Variants in DIAPH2 observed in about 807,000 individuals in gnomAD.
The protein encoded by DIAPH2 is protein diaphanous homolog 2.
Under a neutral mutation model 92.7 loss-of-function variants are expected in DIAPH2, and 35 were observed. The ratio of observed to expected loss-of-function variants is 0.38; its 90% CI spans 0.29 to 0.50. The LOEUF is 0.50. Ranked by LOEUF, DIAPH2 falls within the 20% of genes least tolerant of loss-of-function variation. The pLI is 0.94. For synonymous variants in DIAPH2, 301 were observed against 280.4 expected, an observed-to-expected ratio of 1.07 and a Z score of -0.73; for missense variants, 701 against 819.5, an observed-to-expected ratio of 0.86 and a Z score of 1.77.
chrX:96,881,829 T>C, intron 5 of DIAPH2, 111 bp downstream of exon 5: 2 of 837,384 alleles, frequency 2.4e-6, no homozygotes, highest in Non-Finnish European at 3.3e-6. Flanking sequence ...TGACTAAAAA[T>C]CTGATGTTAA....
chrX:96,972,507 A>G (rs779753576), intron 17 of DIAPH2, among the ~76,000 whole-genome samples: 1 of 111,605 alleles, frequency 9.0e-6, no homozygotes, highest in East Asian at 2.8e-4. Context: ...TAGAGTATCT[A>G]TTATGTGTGA....
At chrX:97,572,836 T>C (rs187267533) in intron 26 of DIAPH2, among the ~76,000 whole-genome samples, 14 of 111,564 alleles carry the variant, frequency 1.3e-4, no homozygotes, top group Admixed American at 5.7e-4. Context: ...ATTATTTCTG[T>C]TTTGAGTGTT....
chrX:97,004,102 G>A (rs1026445461), intron 17 of DIAPH2, among the ~76,000 whole-genome samples: 1 of 111,636 alleles, frequency 9.0e-6, no homozygotes, highest in African/African-American at 3.3e-5. Flanking sequence ...CACTGTAGAT[G>A]CATGGATTTC....
chrX:97,145,313 A>AGTAGTAGTAGTAGTAGTAGTG (rs1401763577), intron 22 of DIAPH2, among the ~76,000 whole-genome samples: 3 of 106,794 alleles, frequency 2.8e-5, no homozygotes, highest in African/African-American at 1.0e-4. Context: ...TAGTAGTAGT[A>AGTAGTAGTAGTAGTAGTAGTG]GTAGTAGTAG....
intron 25 of DIAPH2, among the ~76,000 whole-genome samples, chrX:97,407,987 T>C (rs1292311792): frequency 8.9e-6 from 1 of 111,922 alleles, no homozygotes; most frequent in Non-Finnish European, 1.9e-5. Flanking sequence ...ATAATTTTTA[T>C]TCATGACTTT....
chrX:97,304,537 C>T (rs1287312099), intron 23 of DIAPH2, among the ~76,000 whole-genome samples: 1 of 111,891 alleles, frequency 8.9e-6, no homozygotes, highest in Admixed American at 9.5e-5. Context: ...GAAACAGTTG[C>T]CCTAGTTATT....
At chrX:97,088,739 A>C (rs1353922858) in intron 19 of DIAPH2, among the ~76,000 whole-genome samples, 6 of 112,332 alleles carry the variant, frequency 5.3e-5, no homozygotes, top group African/African-American at 1.6e-4. Context: ...AAAGGTCTTC[A>C]TGAAAGTAAA....
chrX:97,531,371 T>C (rs879049603), intron 26 of DIAPH2, among the ~76,000 whole-genome samples: 1 of 111,512 alleles, frequency 9.0e-6, no homozygotes, highest in Non-Finnish European at 1.9e-5. Flanking sequence ...CATTTGTAGA[T>C]TGAGGAGAGA....
At chrX:97,237,583 A>T (rs1479883069) in intron 22 of DIAPH2, among the ~76,000 whole-genome samples, 1 of 104,001 alleles carries the variant, frequency 9.6e-6, no homozygotes, top group Non-Finnish European at 2.0e-5. Flanking sequence ...TCTTTTTTCT[A>T]TTTTTTTTTT....
At chrX:96,974,078 A>C (rs191029572) in intron 17 of DIAPH2, among the ~76,000 whole-genome samples, 1 of 111,545 alleles carries the variant, frequency 9.0e-6, no homozygotes, top group Admixed American at 9.5e-5. Context: ...CTCTTTCTTT[A>C]GGTTTCCATT....
intron 22 of DIAPH2, among the ~76,000 whole-genome samples, chrX:97,198,307 T>C (rs868006041): frequency 6.9e-4 from 63 of 91,489 alleles, no homozygotes; most frequent in African/African-American, 4.0e-3. Flanking sequence ...CACACACATA[T>C]GTGTATATAC....
intron 1 of DIAPH2, among the ~76,000 whole-genome samples, chrX:96,732,704 T>G (rs1216604925): frequency 1.8e-5 from 2 of 112,161 alleles, no homozygotes; most frequent in African/African-American, 6.5e-5. Flanking sequence ...AGAAAATTCT[T>G]TAAGAATAAA....
chrX:96,711,123 GT>G, intron 1 of DIAPH2, among the ~76,000 whole-genome samples: 1 of 111,996 alleles, frequency 8.9e-6, no homozygotes, highest in East Asian at 2.8e-4. Flanking sequence ...TATTTTTGCA[GT>G]TGCTAATTGT....
intron 17 of DIAPH2, among the ~76,000 whole-genome samples, chrX:96,995,425 C>T (rs1227756358): frequency 9.0e-6 from 1 of 111,724 alleles, no homozygotes; most frequent in East Asian, 2.8e-4. Flanking sequence ...TGGAGATGTT[C>T]AGCAACTAGC....
chrX:97,301,028 G>A (rs1473201475), intron 23 of DIAPH2, among the ~76,000 whole-genome samples: 1 of 97,283 alleles, frequency 1.0e-5, no homozygotes, highest in Non-Finnish European at 2.0e-5. Flanking sequence ...AATTGGCCGG[G>A]CGCAGTGGCT....
chrX:97,101,669 G>A (rs1013213458), intron 20 of DIAPH2, among the ~76,000 whole-genome samples: 4 of 111,945 alleles, frequency 3.6e-5, no homozygotes, highest in East Asian at 5.6e-4. Context: ...TTTGTTAAAC[G>A]TGTACTTTGC....
chrX:97,310,893 G>A (rs1250034026), intron 23 of DIAPH2, among the ~76,000 whole-genome samples: 1 of 111,464 alleles, frequency 9.0e-6, no homozygotes, highest in Non-Finnish European at 1.9e-5. Flanking sequence ...GCCTGTAATC[G>A]CGCTACTTGG....
intron 25 of DIAPH2, among the ~76,000 whole-genome samples, chrX:97,408,331 C>T (rs763195708): frequency 9.0e-6 from 1 of 111,044 alleles, no homozygotes; most frequent in African/African-American, 3.3e-5. Flanking sequence ...AAAGGCAATA[C>T]CACCCAATAT....
chrX:96,895,283 G>A (rs2065337741), intron 5 of DIAPH2, among the ~76,000 whole-genome samples: 1 of 111,716 alleles, frequency 9.0e-6, no homozygotes, highest in Non-Finnish European at 1.9e-5. Flanking sequence ...GGGACTACAA[G>A]CGTGAGCCAC....
Sources: allele counts gnomAD v4.1 joint callset (sites outside exome capture counted in the v4.1 genomes callset), GRCh38; gene constraint gnomAD v4.1.1; transcripts MANE v1.5; gene names NCBI Gene and HGNC (gene_info 2026-07-23, HGNC 2026-07-21).